The following BCL7C variants were observed in gnomAD, a reference collection of about 807,000 sequenced individuals.
BCL7C encodes the protein B-cell CLL/lymphoma 7 protein family member C.
Under a neutral mutation model 26.2 loss-of-function variants are expected in BCL7C, and 8 were observed. That is an observed-to-expected ratio of 0.30 (90% CI 0.18 to 0.55). The LOEUF (loss-of-function observed/expected upper bound fraction) is 0.55. Ranked by LOEUF, BCL7C falls within the 20% of genes least tolerant of loss-of-function variation. The pLI, the probability that BCL7C is intolerant of heterozygous loss-of-function variation, is 0.93. For missense variants in BCL7C, 262 were observed against 298.5 expected, an observed-to-expected ratio of 0.88 and a Z score of 0.90; for synonymous variants, 90 against 116.5, an observed-to-expected ratio of 0.77 and a Z score of 1.47.
intron 5 of BCL7C, chr16:30,851,753 T>C: frequency 4.1e-6 from 2 of 486,742 alleles, no homozygotes; most frequent in Non-Finnish European, 3.7e-6. Context: ...GACCGTGACC[T>C]TTTTTTGGTG....
chr16:30,885,162 T>A (rs1240299662), downstream of BCL7C, among the ~76,000 whole-genome samples: 1 of 152,106 alleles, frequency 6.6e-6, no homozygotes. Context: ...AGGAAGAGTG[T>A]CCTAGATTAT....
intron 5 of BCL7C, among the ~76,000 whole-genome samples, chr16:30,867,620 C>T (rs1199570466): frequency 6.6e-6 from 1 of 151,982 alleles, no homozygotes; most frequent in Non-Finnish European, 1.5e-5. Flanking sequence ...TGGTGAAACC[C>T]CATCTCTATT....
At chr16:30,856,230 A>G (rs1437165526) in intron 5 of BCL7C, among the ~76,000 whole-genome samples, 2 of 151,644 alleles carry the variant, frequency 1.3e-5, no homozygotes, top group African/African-American at 2.4e-5. Context: ...TCACGAGGTC[A>G]GGAGATTGAG....
At chr16:30,841,945 C>A (rs1358335611) in intron 5 of BCL7C, among the ~76,000 whole-genome samples, 3 of 119,764 alleles carry the variant, frequency 2.5e-5, no homozygotes. Flanking sequence ...AAATGCGAGA[C>A]TCCATCTCAA....
intron 5 of BCL7C, among the ~76,000 whole-genome samples, chr16:30,849,963 C>A (rs2054661557): frequency 6.6e-6 from 1 of 151,642 alleles, no homozygotes; most frequent in South Asian, 2.1e-4. Flanking sequence ...GTGGCTCACA[C>A]CTTTGGGAGG....
intron 5 of BCL7C, chr16:30,835,163 G>C: frequency 6.8e-7 from 1 of 1,464,800 alleles, no homozygotes; most frequent in Non-Finnish European, 9.1e-7. Flanking sequence ...ACGGAGAAAA[G>C]AAGAATCTGG....
At chr16:30,849,335 T>C (rs2054656197) in intron 5 of BCL7C, among the ~76,000 whole-genome samples, 1 of 152,312 alleles carries the variant, frequency 6.6e-6, no homozygotes, top group African/African-American at 2.4e-5. Context: ...TCAATTATTA[T>C]GGCTTCCTGA....
intron 5 of BCL7C, chr16:30,840,844 C>T (rs1038842823): frequency 5.3e-5 from 8 of 152,180 alleles, no homozygotes; most frequent in African/African-American, 1.9e-4. Context: ...CTCATGAGAA[C>T]TCACTCACTG....
chr16:30,874,477 C>T (rs951101374), intron 5 of BCL7C, among the ~76,000 whole-genome samples: 1 of 151,922 alleles, frequency 6.6e-6, no homozygotes. Flanking sequence ...ATTAGCCGGG[C>T]GTGGTGGCGC....
chr16:30,853,629 G>C (rs2054695655), intron 5 of BCL7C, among the ~76,000 whole-genome samples: 1 of 152,150 alleles, frequency 6.6e-6, no homozygotes, highest in African/African-American at 2.4e-5. Context: ...TCAGTATGGG[G>C]GTCCGTGTTT....
At chr16:30,885,772 T>C (rs575866669), downstream of BCL7C, among the ~76,000 whole-genome samples, 1 of 152,264 alleles carries the variant, frequency 6.6e-6, no homozygotes, top group East Asian at 1.9e-4. Flanking sequence ...ACAGTTACAC[T>C]ACATTGCAGC....
At chr16:30,868,416 C>T (rs997077586) in intron 5 of BCL7C, among the ~76,000 whole-genome samples, 10 of 145,852 alleles carry the variant, frequency 6.9e-5, no homozygotes, top group Admixed American at 2.7e-4. Context: ...GGATTACAGG[C>T]GTGAGTCACC....
intron 5 of BCL7C, among the ~76,000 whole-genome samples, chr16:30,857,252 G>T (rs1310274124): frequency 6.6e-6 from 1 of 152,084 alleles, no homozygotes; most frequent in African/African-American, 2.4e-5. Flanking sequence ...GCTAGGCACG[G>T]TGGTGCATGC....
intron 5 of BCL7C, among the ~76,000 whole-genome samples, chr16:30,852,632 C>G (rs2054685783): frequency 6.6e-6 from 1 of 151,646 alleles, no homozygotes; most frequent in Non-Finnish European, 1.5e-5. Context: ...GCTGGGATTA[C>G]AGGCGCATGC....
At chr16:30,861,974 C>T (rs1372992583) in intron 5 of BCL7C, among the ~76,000 whole-genome samples, 1 of 149,398 alleles carries the variant, frequency 6.7e-6, no homozygotes, top group African/African-American at 2.5e-5. Flanking sequence ...TGCCATTCTC[C>T]TGCCTCAGCC....
intron 5 of BCL7C, among the ~76,000 whole-genome samples, chr16:30,838,617 T>C (rs1244338577): frequency 1.3e-5 from 2 of 152,144 alleles, no homozygotes; most frequent in African/African-American, 4.8e-5. Context: ...ACCCTGTCTC[T>C]ACTAAAAAAA....
At chr16:30,866,073 C>T (rs934587153) in intron 5 of BCL7C, among the ~76,000 whole-genome samples, 3 of 151,772 alleles carry the variant, frequency 2.0e-5, no homozygotes, top group African/African-American at 7.3e-5. Flanking sequence ...TCATAATAGA[C>T]GAGAACAAAA....
intron 5 of BCL7C, among the ~76,000 whole-genome samples, chr16:30,869,368 C>T (rs768256674): frequency 6.6e-6 from 1 of 151,922 alleles, no homozygotes; most frequent in East Asian, 1.9e-4. Context: ...GCCACTGTGC[C>T]CAGCTCATTT....
chr16:30,878,090 G>A (rs976911471), intron 5 of BCL7C, among the ~76,000 whole-genome samples: 1 of 150,808 alleles, frequency 6.6e-6, no homozygotes, highest in African/African-American at 2.4e-5. Flanking sequence ...CACGAGAATG[G>A]CTTGAACCTG....
Sources: allele counts gnomAD v4.1 joint callset (sites outside exome capture counted in the v4.1 genomes callset), GRCh38; gene constraint gnomAD v4.1.1; transcripts MANE v1.5; gene names NCBI Gene and HGNC (gene_info 2026-07-23, HGNC 2026-07-21).